The following PARP8 variants were observed in gnomAD, a reference collection of about 807,000 sequenced individuals.
PARP8 encodes the protein poly(ADP-ribose) polymerase family member 8.
PARP8 carries 51 observed loss-of-function variants against 124.1 expected under a neutral mutation model. The observed-to-expected ratio is 0.41, with a 90% CI of 0.33 to 0.52. The LOEUF is 0.52. Among genes scored for constraint, PARP8 ranks in the 20% least tolerant of loss-of-function variants. The pLI is 0.21. For synonymous variants in PARP8, 391 were observed against 361.5 expected (o/e 1.08, Z -0.93); for missense variants, 860 against 1,018.9 (o/e 0.84, Z 2.12).
At chr5:50,811,416 A>G (rs1299770575) in intron 14 of PARP8, among the ~76,000 whole-genome samples, 5 of 152,064 alleles carry the variant, frequency 3.3e-5, no homozygotes. Flanking sequence ...ATCATTTGCG[A>G]CAAAGTCAGA....
chr5:50,737,035 C>G (rs1757539610), intron 2 of PARP8, among the ~76,000 whole-genome samples: 1 of 152,170 alleles, frequency 6.6e-6, no homozygotes, highest in African/African-American at 2.4e-5. Context: ...AAGAAACTCT[C>G]TCCACCTGAT....
intron 2 of PARP8, among the ~76,000 whole-genome samples, chr5:50,706,781 A>C (rs990628718): frequency 6.6e-6 from 1 of 152,102 alleles, no homozygotes; most frequent in African/African-American, 2.4e-5. Flanking sequence ...AATAATAAGA[A>C]GAAAGAGAAT....
intron 2 of PARP8, among the ~76,000 whole-genome samples, chr5:50,740,168 T>C (rs1364368314): frequency 2.0e-5 from 3 of 152,198 alleles, no homozygotes; most frequent in African/African-American, 7.2e-5. Flanking sequence ...CCTTCTACTC[T>C]ATGGATTTAG....
intron 2 of PARP8, among the ~76,000 whole-genome samples, chr5:50,703,227 A>G (rs1753775713): frequency 6.6e-6 from 1 of 151,684 alleles, no homozygotes; most frequent in South Asian, 2.1e-4. Context: ...CTTGAGCCCA[A>G]GAAATTGAGG....
At chr5:50,794,778 T>C in intron 11 of PARP8, 75 bp from the exon 12 acceptor site, 2 of 1,326,148 alleles carry the variant, frequency 1.5e-6, no homozygotes, top group Non-Finnish European at 2.1e-6. Context: ...CAGTCGAGTT[T>C]GAGCATGACA....
chr5:50,761,035 A>G (rs1463067479), intron 5 of PARP8, among the ~76,000 whole-genome samples: 1 of 152,134 alleles, frequency 6.6e-6, no homozygotes, highest in East Asian at 1.9e-4. Flanking sequence ...TTAGAATTTT[A>G]TAAAACCCAA....
chr5:50,687,908 A>G (rs768325674), intron 2 of PARP8, among the ~76,000 whole-genome samples: 14 of 152,090 alleles, frequency 9.2e-5, no homozygotes, highest in Non-Finnish European at 1.5e-4. Flanking sequence ...ATCAAGTACA[A>G]TCTTGTCTCC....
intron 2 of PARP8, among the ~76,000 whole-genome samples, chr5:50,677,432 A>G (rs1192846041): frequency 6.6e-6 from 1 of 152,182 alleles, no homozygotes; most frequent in Non-Finnish European, 1.5e-5. Context: ...TTAGTTAACT[A>G]AGACAAAGTT....
chr5:50,828,059 G>A lies in PARP8; in HGVS notation c.2090+3G>A, dbSNP rs1473287200. 1.3e-6 allele frequency: 2 copies of A among 1,576,982 alleles called. No individual in the cohort carries two copies. Among genetic ancestry groups the A allele is most frequent in the African/African-American group, 2.7e-5 (2 of 73,998 alleles). Reference sequence around the variant, plus strand: ...TTTGGAAGCACCTTTGCATTTCAGTGAGTAAGGCTTAATGTTAATGGGGGT... The same window carrying A: ...TTTGGAAGCACCTTTGCATTTCAGTAAGTAAGGCTTAATGTTAATGGGGGT... On this transcript the variant is annotated splice_donor_region_variant and intron_variant, in intron 20 of 25. Transcript: ENST00000281631.
chr5:50,747,906 G>A (rs570734923), intron 2 of PARP8, among the ~76,000 whole-genome samples: 2 of 151,156 alleles, frequency 1.3e-5, no homozygotes, highest in East Asian at 3.9e-4. Context: ...CCGAATAGCT[G>A]GGACTACAGG....
At chr5:50,710,536 T>C (rs1248574478) in intron 2 of PARP8, among the ~76,000 whole-genome samples, 5 of 152,118 alleles carry the variant, frequency 3.3e-5, no homozygotes, top group African/African-American at 9.7e-5. Flanking sequence ...CCTTTTTTAT[T>C]TAGAAGAATC....
chr5:50,796,068 G>A lies in PARP8; in HGVS notation c.1428+651G>A, dbSNP rs26070. 5.1e-3 allele frequency among the ~76,000 whole-genome samples: 772 copies of A among 152,150 alleles called. 6 individuals are homozygous for A. The highest frequency in any genetic ancestry group is 0.018 in the African/African-American group (734 of 41,520). On this transcript the variant is annotated intron_variant, in intron 12 of 25. Coordinates refer to ENST00000281631, the MANE Select transcript of PARP8 (RefSeq NM_024615.4). Reference sequence around the variant, plus strand: ...GAGTAACTCTTACACAAAATTTATCGCTAGCATGATTGGCATGATAGCCAA... The same window carrying A: ...GAGTAACTCTTACACAAAATTTATCACTAGCATGATTGGCATGATAGCCAA...
intron 2 of PARP8, among the ~76,000 whole-genome samples, chr5:50,675,395 C>G (rs1464327655): frequency 6.6e-6 from 1 of 152,174 alleles, no homozygotes; most frequent in Non-Finnish European, 1.5e-5. Flanking sequence ...ACCTCCGCCC[C>G]CCGGGTTCAA....
chr5:50,793,522 T>G (rs1742190842), intron 10 of PARP8, among the ~76,000 whole-genome samples: 1 of 152,130 alleles, frequency 6.6e-6, no homozygotes, highest in African/African-American at 2.4e-5. Context: ...AATATCGACA[T>G]TAGGAGTTAC....
rs1339888003 is a variant in PARP8 at position 50,794,311 on chromosome 5, A to G, written c.842A>G (p.His281Arg). 6.8e-6 allele frequency: 11 copies of G among 1,613,302 alleles called. No homozygotes were observed. Among genetic ancestry groups the G allele is most frequent in the Non-Finnish European group, 8.5e-6 (10 of 1,179,526 alleles). Residue 281 changes from histidine (H) to arginine (R), a missense_variant, in exon 11 of 26, where the codon CAT becomes CGT. Physicochemically the swap from His to Arg is conservative, Grantham distance 29 (BLOSUM62 0). This residue lies in a region of PARP8 where 517 missense variants were observed against 544.2 expected (regional missense o/e 0.95). Coordinates refer to ENST00000281631, the MANE Select transcript of PARP8 (RefSeq NM_024615.4). ...GAGAAGAAAGTGAAGTCTCCCCTGC[A>G]TTTATTTTCTACTTTGCGCAGGTTG... ...LSEKKVKSPL[H>R]LFSTLRRSPS...
chr5:50,766,328 C>T (rs139614857), intron 7 of PARP8, among the ~76,000 whole-genome samples: 1 of 152,170 alleles, frequency 6.6e-6, no homozygotes, highest in African/African-American at 2.4e-5. Context: ...GAATAAGTCT[C>T]ATCTTGAATC....
chr5:50,759,622 C>CT (rs4029424), intron 3 of PARP8, 21 bp from the exon 4 acceptor site: 291,315 of 1,267,014 alleles, frequency 0.23, 6,303 homozygotes, highest in African/African-American at 0.32. Context: ...CTTTCATTAT[C>CT]TTTTTTTTTT....
intron 14 of PARP8, among the ~76,000 whole-genome samples, chr5:50,798,098 T>C (rs796125442): frequency 2.4e-4 from 37 of 152,320 alleles, no homozygotes; most frequent in African/African-American, 8.2e-4. Context: ...TTTCACTTAT[T>C]ATAATGTTTT....
intron 2 of PARP8, among the ~76,000 whole-genome samples, chr5:50,739,727 TATA>T (rs1382301988): frequency 0.014 from 1,425 of 100,466 alleles, 27 homozygotes; most frequent in African/African-American, 0.024. Context: ...TATATATATA[TATA>T]TATTTTTTTT....
Sources: allele counts gnomAD v4.1 joint callset (sites outside exome capture counted in the v4.1 genomes callset), GRCh38; gene constraint gnomAD v4.1.1; regional missense constraint gnomAD v4.1.1; transcripts MANE v1.5; gene names NCBI Gene and HGNC (gene_info 2026-07-23, HGNC 2026-07-21).